MED13: variants seen among roughly 807,000 people sequenced by gnomAD.
MED13 encodes mediator complex subunit 13, also known as mediator of RNA polymerase II transcription subunit 13.
In MED13, 23 loss-of-function variants were observed where a neutral mutation model predicts 225.2. The ratio of observed to expected loss-of-function variants is 0.10; its 90% CI spans 0.07 to 0.14. The LOEUF is 0.14. Ranked by LOEUF, MED13 falls within the 10% of genes least tolerant of loss-of-function variation. The pLI, the probability that MED13 is intolerant of heterozygous loss-of-function variation, is 1.00. For missense variants in MED13, 2,197 were observed against 2,594.5 expected, an observed-to-expected ratio of 0.85 and a Z score of 3.33; for synonymous variants, 942 against 889.2, an observed-to-expected ratio of 1.06 and a Z score of -1.06.
intron 10 of MED13, among the ~76,000 whole-genome samples, chr17:61,992,857 C>A (rs1310823257): frequency 0.011 from 1 of 92 alleles, no homozygotes; most frequent in Non-Finnish European, 0.023. Context: ...GCACCTCTGC[C>A]TCCTAGGTCA....
rs886187658 is a variant in MED13, at chr17:62,021,588, T to A, written c.1283+7953A>T. ...CATTCCACCACACTAAAGTCTAATA[T>A]CAGTAAATGTGCGCTATTCAATCTC... On this transcript the variant is annotated intron_variant, in intron 8 of 29. Coordinates refer to ENST00000397786, the MANE Select transcript of MED13 (RefSeq NM_005121.3). Among the ~76,000 whole-genome samples, 5 of 152,328 alleles carry A rather than the reference T, an allele frequency of 3.3e-5. No homozygotes were observed. The East Asian group carries it at 9.7e-4, about 29-fold the overall frequency.
At chr17:62,052,816 G>C (rs1380465936) in intron 2 of MED13, 111 bp from the exon 3 acceptor site, 1 of 644,164 alleles carries the variant, frequency 1.6e-6, no homozygotes, top group Non-Finnish European at 2.4e-6. Flanking sequence ...GCTTACCCCA[G>C]AATATTAAGC....
In MED13 at chr17:61,972,892, C is replaced by T. The variant is rs370441932; in HGVS notation, c.3806-4G>A. The T allele has an allele frequency of 8.3e-6, 13 of 1,567,950 alleles. No homozygotes were observed. Among genetic ancestry groups the T allele is most frequent in the Non-Finnish European group, 1.1e-5 (13 of 1,163,894 alleles). ...TGTGAGCACTGCATACTCACATCTA[C>T]AAGCATTTTAAAAAAAACAAGTAAT... On this transcript the variant is annotated splice_polypyrimidine_tract_variant and splice_region_variant and intron_variant, in intron 16 of 29. Coordinates refer to ENST00000397786, the MANE Select transcript of MED13 (RefSeq NM_005121.3).
chr17:61,972,653 C>T (rs1267991608), intron 17 of MED13, 74 bp downstream of exon 17: 2 of 1,294,882 alleles, frequency 1.5e-6, no homozygotes, highest in Non-Finnish European at 2.1e-6. Context: ...AACTAATGTG[C>T]TTATTCTAGT....
At chr17:61,961,384 G>A (rs1476981983) in intron 22 of MED13, among the ~76,000 whole-genome samples, 1 of 152,004 alleles carries the variant, frequency 6.6e-6, no homozygotes, top group African/African-American at 2.4e-5. Flanking sequence ...GCTGGGCAAG[G>A]TGGCGCATGC....
chr17:61,972,710 C>G lies in MED13; in HGVS notation c.3967+17G>C. ...TGATATAAAATTAGTCATTATATATCACTATAAATTACTTACCATAAGAGC... is the reference window on the plus strand; with the variant it reads ...TGATATAAAATTAGTCATTATATATGACTATAAATTACTTACCATAAGAGC... On this transcript the variant is annotated intron_variant, in intron 17 of 29. Coordinates refer to ENST00000397786, the MANE Select transcript of MED13 (RefSeq NM_005121.3). 6.3e-7 allele frequency: 1 copy of G among 1,584,220 alleles called. No homozygotes were observed. The highest frequency in any genetic ancestry group is 8.6e-7 in the Non-Finnish European group (1 of 1,169,044).
chr17:62,008,984 TAA>T (rs1253817486), intron 9 of MED13, among the ~76,000 whole-genome samples: 1 of 152,128 alleles, frequency 6.6e-6, no homozygotes, highest in African/African-American at 2.4e-5. Context: ...AAATAAAGTC[TAA>T]GACATTATTT....
Position 62,063,282 on chromosome 17 carries a change from T to G in MED13, c.86A>C (p.Lys29Thr). ...GCCTTGCCATACATATTTTTTCCAC[T>G]TAATTCCTGTCAAGTCAGCCTGAAG... is the stretch of plus-strand genomic sequence containing the variant. ...LFCLADLTGI[K>T]WKKYVWQGPT... is the part of the protein sequence containing the mutation. Residue 29 changes from lysine (K) to threonine (T), a missense_variant, in exon 2 of 30, where the codon AAG (lysine) becomes ACG (threonine). Coordinates refer to ENST00000397786, the MANE Select transcript of MED13 (RefSeq NM_005121.3). The G allele has an allele frequency of 6.2e-7, 1 of 1,613,000 alleles. No individual in the cohort carries two copies. Among genetic ancestry groups the G allele is most frequent in the East Asian group, 2.2e-5 (1 of 44,882 alleles).
At chr17:62,055,697 C>T (rs1217025762) in intron 2 of MED13, among the ~76,000 whole-genome samples, 1 of 151,154 alleles carries the variant, frequency 6.6e-6, no homozygotes, top group African/African-American at 2.4e-5. Context: ...ATGGCATGCA[C>T]CTGTAGTCCC....
Position 62,014,504 on chromosome 17 carries a change from G to A in MED13, c.1284-3271C>T, listed in dbSNP as rs181925312. ...GCTGATTTTTGTATTTTCAGTAGAGGTGGGGTTTCACCATGTTGGTCAGGC... is the reference window on the plus strand; with the variant it reads ...GCTGATTTTTGTATTTTCAGTAGAGATGGGGTTTCACCATGTTGGTCAGGC... On this transcript the variant is annotated intron_variant, in intron 8 of 29. Transcript: ENST00000397786. 2.6e-5 allele frequency among the ~76,000 whole-genome samples: 4 copies of A among 151,878 alleles called. No homozygotes were observed. The East Asian group carries it at 7.8e-4, about 29-fold the overall frequency.
At chr17:61,984,621 G>A (rs969067503) in intron 14 of MED13, 30 bp downstream of exon 14, 3 of 1,533,990 alleles carry the variant, frequency 2.0e-6, no homozygotes, top group Non-Finnish European at 2.7e-6. Context: ...TATAGGAAGT[G>A]AATTATTTTT....
chr17:62,008,265 C>G (rs1242028329), intron 9 of MED13, among the ~76,000 whole-genome samples: 1 of 135,340 alleles, frequency 7.4e-6, no homozygotes, highest in East Asian at 2.2e-4. Flanking sequence ...TTGCAGTGAG[C>G]AGGGATCGCG....
At chr17:61,953,208 A>T in intron 26 of MED13, 95 bp from the exon 27 acceptor site, 1 of 1,286,530 alleles carries the variant, frequency 7.8e-7, no homozygotes, top group Non-Finnish European at 1.0e-6. Flanking sequence ...TTTTAACCAA[A>T]ATGGGTTAAT....
At chr17:62,005,476 C>G (rs1042618424) in intron 9 of MED13, 2 of 152,098 alleles carry the variant, frequency 1.3e-5, no homozygotes, top group Non-Finnish European at 2.9e-5. Flanking sequence ...CGTGGTGGTG[C>G]ACGCCTGTAA....
intron 8 of MED13, among the ~76,000 whole-genome samples, chr17:62,024,735 T>C (rs1039107188): frequency 2.0e-5 from 3 of 152,204 alleles, no homozygotes; most frequent in South Asian, 2.1e-4. Context: ...CTTCTTTGTG[T>C]CCATGAGTTC....
intron 16 of MED13, among the ~76,000 whole-genome samples, chr17:61,974,594 A>G (rs531926636): frequency 6.6e-6 from 1 of 152,162 alleles, no homozygotes; most frequent in Non-Finnish European, 1.5e-5. Context: ...GAGGATAATC[A>G]ATCAATAGAA....
At chr17:61,998,911 CT>C (rs933145627) in intron 9 of MED13, among the ~76,000 whole-genome samples, 2 of 143,192 alleles carry the variant, frequency 1.4e-5, no homozygotes, top group Non-Finnish European at 3.0e-5. Context: ...AAATCTCCCA[CT>C]TTTTAAATGG....
At chr17:62,035,725 C>T (rs2080796932) in intron 3 of MED13, 117 bp from the exon 4 acceptor site, 1 of 938,974 alleles carries the variant, frequency 1.1e-6, no homozygotes, top group Middle Eastern at 3.1e-4. Flanking sequence ...AAAAATTCTA[C>T]TTCATCAGAA....
chr17:61,984,429 C>G, intron 14 of MED13, 62 bp from the exon 15 acceptor site: 2 of 1,255,150 alleles, frequency 1.6e-6, no homozygotes, highest in South Asian at 3.3e-5. Context: ...AATAAATAAA[C>G]AAACAGGCTC....
Sources: allele counts gnomAD v4.1 joint callset (sites outside exome capture counted in the v4.1 genomes callset), GRCh38; gene constraint gnomAD v4.1.1; transcripts MANE v1.5; gene names NCBI Gene and HGNC (gene_info 2026-07-23, HGNC 2026-07-21).